FREM2: variants seen among roughly 807,000 people sequenced by gnomAD.
FREM2 encodes FRAS1 related extracellular matrix 2.
A neutral mutation model predicts 219.9 loss-of-function variants in FREM2; 119 were observed. The observed-to-expected ratio is 0.54, with a 90% CI of 0.47 to 0.63. The LOEUF is 0.63. Ranked by LOEUF, FREM2 falls within the 30% of genes least tolerant of loss-of-function variation. The pLI, the probability that FREM2 is intolerant of heterozygous loss-of-function variation, is 0.00. For missense variants in FREM2, 4,030 were observed against 3,993.6 expected (o/e 1.01, Z -0.25); for synonymous variants, 1,562 against 1,522.8 (o/e 1.03, Z -0.60).
At chr13:38,762,645 G>A (rs1000391747) in intron 2 of FREM2, among the ~76,000 whole-genome samples, 7 of 151,948 alleles carry the variant, frequency 4.6e-5, no homozygotes, top group African/African-American at 1.4e-4. Flanking sequence ...CTCTATGTTG[G>A]TTAGGCTGGG....
At chr13:38,725,925 G>A (rs1005380556) in intron 2 of FREM2, among the ~76,000 whole-genome samples, 2 of 152,168 alleles carry the variant, frequency 1.3e-5, no homozygotes, top group African/African-American at 4.8e-5. Flanking sequence ...AATTTCAGAT[G>A]GAGATGTAGA....
In FREM2 at chr13:38,689,294, G is replaced by A; in HGVS notation, c.1950G>A (p.Glu650=). Residue 650 remains glutamate, a synonymous_variant, in exon 1 of 24, where the codon GAG becomes GAA. Coordinates refer to ENST00000280481, the MANE Select transcript of FREM2 (RefSeq NM_207361.6). The part of the protein sequence containing the change: ...VTEWQQQDIT[E]GRLFYRHSGP... ...AGTGGCAGCAGCAGGACATAACAGA[G>A]GGCAGGCTGTTCTATAGACACTCTG... 1.9e-6 allele frequency: 3 copies of A among 1,614,124 alleles called. No individual in the cohort carries two copies. Among genetic ancestry groups the A allele is most frequent in the Non-Finnish European group, 2.5e-6 (3 of 1,180,028 alleles).
At chr13:38,761,595 A>AAATTAATAC (rs1873227731) in intron 2 of FREM2, among the ~76,000 whole-genome samples, 1 of 152,220 alleles carries the variant, frequency 6.6e-6, no homozygotes, top group Admixed American at 6.5e-5. Flanking sequence ...TACAATTAGT[A>AAATTAATAC]AATTAATACA....
chr13:38,844,418 C>G (rs1192819926), intron 6 of FREM2, among the ~76,000 whole-genome samples: 2 of 152,152 alleles, frequency 1.3e-5, no homozygotes, highest in Non-Finnish European at 2.9e-5. Flanking sequence ...TTTCAGAGTA[C>G]TACACCCATA....
At chr13:38,794,042 C>T (rs895170016) in intron 6 of FREM2, among the ~76,000 whole-genome samples, 1 of 152,102 alleles carries the variant, frequency 6.6e-6, no homozygotes, top group African/African-American at 2.4e-5. Flanking sequence ...AAGATATAGG[C>T]CTGATTAGGA....
intron 3 of FREM2, among the ~76,000 whole-genome samples, chr13:38,767,900 A>C (rs561142047): frequency 1.3e-5 from 2 of 152,344 alleles, no homozygotes; most frequent in South Asian, 4.1e-4. Context: ...GAGATCTGTA[A>C]GACAGAAATA....
intron 6 of FREM2, among the ~76,000 whole-genome samples, chr13:38,787,487 T>A (rs1874376005): frequency 6.6e-6 from 1 of 151,920 alleles, no homozygotes; most frequent in Admixed American, 6.6e-5. Flanking sequence ...CCTAACCTCC[T>A]CCCACACCTT....
chr13:38,688,073 C>T lies in FREM2; in HGVS notation c.729C>T (p.Ala243=). The part of the protein sequence containing the change: ...LLHYPQVPGG[A]REGGAPETLL... ...ACTACCCGCAGGTCCCTGGAGGAGC[C>T]AGAGAGGGAGGCGCCCCGGAGACTC... The change falls in exon 1 of 24, where the codon GCC becomes GCT. Residue 243 remains alanine (A), a synonymous_variant. Coordinates refer to ENST00000280481, the MANE Select transcript of FREM2 (RefSeq NM_207361.6). 1 of 1,608,768 alleles carries T rather than the reference C, an allele frequency of 6.2e-7. No individual in the cohort carries two copies. Among genetic ancestry groups the T allele is most frequent in the Non-Finnish European group, 8.5e-7 (1 of 1,175,908 alleles).
At chr13:38,802,628 G>A (rs1185466373) in intron 6 of FREM2, among the ~76,000 whole-genome samples, 1 of 152,180 alleles carries the variant, frequency 6.6e-6, no homozygotes, top group Non-Finnish European at 1.5e-5. Flanking sequence ...GCCCCTCCTT[G>A]GCATGGTAGC....
chr13:38,779,393 T>A (rs1347609748), intron 4 of FREM2: 1 of 143,212 alleles, frequency 7.0e-6, no homozygotes, highest in Non-Finnish European at 1.5e-5. Context: ...TTGAAATAAA[T>A]TTTTTAAAAA....
chr13:38,876,265 G>C lies in FREM2; in HGVS notation c.8427G>C (p.Gly2809=). The C allele has an allele frequency of 6.2e-7, 1 of 1,613,916 alleles. No homozygotes were observed. Among genetic ancestry groups the C allele is most frequent in the South Asian group, 1.1e-5 (1 of 91,038 alleles). The change falls in exon 20 of 24, where the codon GGG becomes GGC. Residue 2809 remains glycine (G), a synonymous_variant. Coordinates refer to ENST00000280481, the MANE Select transcript of FREM2 (RefSeq NM_207361.6). The part of the protein sequence containing the change: ...VSDFAVRDYS[G]TYTVKLVPCT... ...CCTCAAAGGTACGTGACTACTCAGG[G>C]ACCTATACTGTGAAGCTGGTGCCAT...
chr13:38,691,944 C>T lies in FREM2; in HGVS notation c.4600C>T (p.Pro1534Ser). The T allele has an allele frequency of 6.2e-7, 1 of 1,614,152 alleles. No individual in the cohort carries two copies. The highest frequency in any genetic ancestry group is 1.1e-5 in the South Asian group (1 of 91,080). ...CATTAGCGATGTGGACAATAAAAAG[C>T]CAGTGGTCACCATCCACAAGCTGGT... ...ISISDVDNKKPVVTIHKLVVS... is the reference protein window; with the variant it reads ...ISISDVDNKKSVVTIHKLVVS... The change falls in exon 1 of 24, where the codon CCA (proline) becomes TCA (serine). Residue 1534 changes from proline (P) to serine (S), a missense_variant. Pro to Ser is a moderately conservative substitution (Grantham distance 74, BLOSUM62 -1). Around this residue, in one of 2 missense-constraint regions of FREM2, gnomAD observed 3,102 missense variants for 2,950.7 expected, o/e 1.05. Transcript: ENST00000280481.
chr13:38,837,765 G>GTTTTT (rs151057502), intron 6 of FREM2, among the ~76,000 whole-genome samples: 5 of 140,444 alleles, frequency 3.6e-5, no homozygotes, highest in African/African-American at 1.0e-4. Flanking sequence ...GCAACCCCTG[G>GTTTTT]TTTTTTTTTG....
At chr13:38,778,186 A>C (rs1345821431) in intron 4 of FREM2, among the ~76,000 whole-genome samples, 1 of 152,228 alleles carries the variant, frequency 6.6e-6, no homozygotes, top group African/African-American at 2.4e-5. Context: ...ATTATGAATA[A>C]TCAACCCTGT....
intron 6 of FREM2, among the ~76,000 whole-genome samples, chr13:38,813,512 CTCTCTCCTCTCT>C (rs1875600780): frequency 9.0e-5 from 1 of 11,050 alleles, no homozygotes; most frequent in African/African-American, 2.8e-4. Flanking sequence ...CTCTCTCTCT[CTCTCTCCTCTCT>C]CTCTCTCTCT....
intron 2 of FREM2, among the ~76,000 whole-genome samples, chr13:38,704,256 T>C (rs2138086565): frequency 6.6e-6 from 1 of 152,302 alleles, no homozygotes; most frequent in Non-Finnish European, 1.5e-5. Context: ...TCCATTGGGG[T>C]CTGAGAATAC....
At chr13:38,790,164 C>T (rs570449099) in intron 6 of FREM2, among the ~76,000 whole-genome samples, 11 of 152,066 alleles carry the variant, frequency 7.2e-5, no homozygotes, top group South Asian at 2.1e-4. Context: ...ATTTTTTCCC[C>T]GTCCAGAATT....
At chr13:38,864,640 G>C in intron 16 of FREM2, 34 bp downstream of exon 16, 1 of 1,575,154 alleles carries the variant, frequency 6.3e-7, no homozygotes, top group Non-Finnish European at 8.7e-7. Flanking sequence ...TTGGTCACTG[G>C]ATAAACCAAT....
intron 2 of FREM2, among the ~76,000 whole-genome samples, chr13:38,736,075 G>T (rs1177097238): frequency 6.6e-6 from 1 of 152,100 alleles, no homozygotes; most frequent in African/African-American, 2.4e-5. Flanking sequence ...TATCCTAACC[G>T]CCCCTAGACC....
Sources: gnomAD v4.1 joint callset for allele counts (sites outside exome capture counted in the v4.1 genomes callset) on GRCh38, gnomAD v4.1.1 for gene constraint, gnomAD v4.1.1 regional missense constraint, MANE v1.5 for transcripts, NCBI Gene and HGNC (gene_info 2026-07-23, HGNC 2026-07-21) for gene names.